The following ARHGAP15 variants were observed in gnomAD, a reference collection of about 807,000 sequenced individuals.
ARHGAP15 encodes the protein Rho GTPase activating protein 15.
Under a neutral mutation model 63.7 loss-of-function variants are expected in ARHGAP15, and 51 were observed. The observed-to-expected ratio is 0.80, with a 90% CI of 0.64 to 1.01. The LOEUF (loss-of-function observed/expected upper bound fraction) is 1.01. ARHGAP15 is among the 50% of genes least tolerant of loss of function. The pLI is 0.00. For missense variants in ARHGAP15, 560 were observed against 564.6 expected (o/e 0.99, Z 0.08); for synonymous variants, 191 against 193.8 (o/e 0.99, Z 0.12).
intron 10 of ARHGAP15, among the ~76,000 whole-genome samples, chr2:143,549,265 T>C (rs1452943625): frequency 6.6e-6 from 1 of 152,144 alleles, no homozygotes; most frequent in Non-Finnish European, 1.5e-5. Context: ...TGTCTGATTC[T>C]CTTTCCTCAA....
intron 6 of ARHGAP15, among the ~76,000 whole-genome samples, chr2:143,301,686 T>C (rs1157962974): frequency 6.6e-6 from 1 of 151,962 alleles, no homozygotes; most frequent in African/African-American, 2.4e-5. Flanking sequence ...GGATTAAATA[T>C]GTATACAAAA....
rs1196794819 is a variant in ARHGAP15, at chr2:143,430,303, CT to C, written c.475-5294del. Among the ~76,000 whole-genome samples, 5 of 151,800 alleles carry C rather than the reference CT, an allele frequency of 3.3e-5. 1 individual carries two copies. The highest frequency in any genetic ancestry group is 5.9e-5 in the Non-Finnish European group (4 of 67,922). On this transcript the variant is annotated intron_variant, in intron 6 of 13. Coordinates refer to ENST00000295095, the MANE Select transcript of ARHGAP15 (RefSeq NM_018460.4). ...ATTTTTGGAAAGGCAAATTGAAGAC[CT>C]TTTACATCTAACTGATATTTTACCC...
At chr2:143,471,007 TA>T (rs1691520258) in intron 8 of ARHGAP15, among the ~76,000 whole-genome samples, 6 of 132,244 alleles carry the variant, frequency 4.5e-5, no homozygotes, top group Non-Finnish European at 8.3e-5. Flanking sequence ...TGTGTATAGA[TA>T]AAGAAGATAT....
chr2:143,527,505 G>A (rs1401902428), intron 10 of ARHGAP15, among the ~76,000 whole-genome samples: 3 of 151,844 alleles, frequency 2.0e-5, no homozygotes, highest in Non-Finnish European at 4.4e-5. Flanking sequence ...AAAATCAAGG[G>A]CTGGACACTT....
chr2:143,343,800 A>G (rs1316887326), intron 6 of ARHGAP15, among the ~76,000 whole-genome samples: 1 of 152,104 alleles, frequency 6.6e-6, no homozygotes, highest in African/African-American at 2.4e-5. Flanking sequence ...TATTTCTGCA[A>G]CTATTCCTAC....
intron 8 of ARHGAP15, among the ~76,000 whole-genome samples, chr2:143,447,972 G>A (rs1400907730): frequency 1.3e-5 from 2 of 152,094 alleles, no homozygotes; most frequent in African/African-American, 4.8e-5. Flanking sequence ...AGTGATCCCT[G>A]GACACACATA....
At chr2:143,582,866 A>G (rs899507346) in intron 11 of ARHGAP15, among the ~76,000 whole-genome samples, 1 of 152,264 alleles carries the variant, frequency 6.6e-6, no homozygotes, top group Non-Finnish European at 1.5e-5. Context: ...GGTTAACACC[A>G]GATTGATAGT....
chr2:143,503,573 T>C (rs984576046), intron 9 of ARHGAP15, among the ~76,000 whole-genome samples: 1 of 152,244 alleles, frequency 6.6e-6, no homozygotes, highest in East Asian at 1.9e-4. Context: ...TTGATGGTTA[T>C]ACTCTACTCC....
chr2:143,178,799 T>C (rs890115466), intron 2 of ARHGAP15, among the ~76,000 whole-genome samples: 14 of 152,220 alleles, frequency 9.2e-5, no homozygotes, highest in Non-Finnish European at 2.1e-4. Flanking sequence ...CTACTGAGCA[T>C]ACATAGTACA....
At chr2:143,726,529 T>C (rs1685287169) in intron 13 of ARHGAP15, among the ~76,000 whole-genome samples, 1 of 152,180 alleles carries the variant, frequency 6.6e-6, no homozygotes, top group Non-Finnish European at 1.5e-5. Context: ...ACTGATGTGG[T>C]CCAAGGTTTT....
chr2:143,456,931 CAAAG>C (rs1459761223), intron 8 of ARHGAP15, among the ~76,000 whole-genome samples: 4 of 151,634 alleles, frequency 2.6e-5, no homozygotes, highest in South Asian at 4.2e-4. Flanking sequence ...GCATAAATGT[CAAAG>C]AAAGTTGATT....
chr2:143,505,607 A>G (rs967619701), intron 9 of ARHGAP15, among the ~76,000 whole-genome samples: 1 of 152,204 alleles, frequency 6.6e-6, no homozygotes, highest in Non-Finnish European at 1.5e-5. Context: ...TGCGTGGAAT[A>G]ACTAGCAGAC....
At position 143,568,214 on chromosome 2, in the gene ARHGAP15, A is replaced by T. The variant is rs576197978; in HGVS notation, c.1003+11729A>T. ...GAGCTTCTGCACAGCAAAAGAAACT[A>T]CCATCAGAGTGAACAGGCAACCTAC... On this transcript the variant is annotated intron_variant, in intron 11 of 13. Transcript: ENST00000295095. Among the ~76,000 whole-genome samples the T allele has an allele frequency of 2.6e-5, 4 of 152,286 alleles. No individual in the cohort carries two copies. In the East Asian group the frequency reaches 7.7e-4, roughly 29 times the overall value.
chr2:143,304,591 C>T (rs547670294), intron 6 of ARHGAP15, among the ~76,000 whole-genome samples: 43 of 152,162 alleles, frequency 2.8e-4, no homozygotes, highest in African/African-American at 9.9e-4. Flanking sequence ...TACCCTACAA[C>T]TTAAAGTATA....
At chr2:143,591,127 A>AAT (rs1167686434) in intron 11 of ARHGAP15, among the ~76,000 whole-genome samples, 6 of 152,102 alleles carry the variant, frequency 3.9e-5, no homozygotes, top group African/African-American at 1.2e-4. Context: ...AGGAGCTAAA[A>AAT]ATATATATAT....
chr2:143,188,695 A>C (rs961804610), intron 2 of ARHGAP15, among the ~76,000 whole-genome samples: 2 of 151,556 alleles, frequency 1.3e-5, no homozygotes, highest in Admixed American at 1.3e-4. Flanking sequence ...ATCTCAGCTC[A>C]CTGCAACCTC....
At chr2:143,340,497 A>T (rs1007249933) in intron 6 of ARHGAP15, among the ~76,000 whole-genome samples, 1 of 149,876 alleles carries the variant, frequency 6.7e-6, no homozygotes, top group Non-Finnish European at 1.5e-5. Context: ...AGCTGATTTT[A>T]TCCTAAATTT....
chr2:143,579,236 T>C (rs1397743056), intron 11 of ARHGAP15, among the ~76,000 whole-genome samples: 3 of 152,210 alleles, frequency 2.0e-5, no homozygotes, highest in Non-Finnish European at 4.4e-5. Context: ...AGGAAGCATC[T>C]AAGTACATCG....
At chr2:143,414,214 C>T (rs1267114074) in intron 6 of ARHGAP15, among the ~76,000 whole-genome samples, 4 of 150,538 alleles carry the variant, frequency 2.7e-5, no homozygotes, top group African/African-American at 7.3e-5. Context: ...AAGATAAAAG[C>T]CAAAAACGAA....
Sources: allele counts gnomAD v4.1 joint callset (sites outside exome capture counted in the v4.1 genomes callset), GRCh38; gene constraint gnomAD v4.1.1; transcripts MANE v1.5; gene names NCBI Gene and HGNC (gene_info 2026-07-23, HGNC 2026-07-21).